The following WDHD1 variants were observed in gnomAD, a reference collection of about 807,000 sequenced individuals.
WDHD1 encodes WD repeat and HMG-box DNA binding protein 1, also known as WD repeat and HMG-box DNA-binding protein 1.
In WDHD1, 111 loss-of-function variants were observed where a neutral mutation model predicts 135.4. The ratio of observed to expected loss-of-function variants is 0.82; its 90% CI spans 0.70 to 0.96. The LOEUF (loss-of-function observed/expected upper bound fraction) is 0.96, where lower values mean the gene tolerates loss of function less well. Among genes scored for constraint, WDHD1 ranks in the 40% least tolerant of loss-of-function variants. WDHD1 has a pLI of 0.00. For missense variants in WDHD1, 1,351 were observed against 1,336.3 expected (o/e 1.01, Z -0.17); for synonymous variants, 434 against 439.0 (o/e 0.99, Z 0.14).
intron 16 of WDHD1, among the ~76,000 whole-genome samples, chr14:54,974,499 T>G (rs8021996): frequency 6.6e-6 from 1 of 150,700 alleles, no homozygotes; most frequent in East Asian, 1.9e-4. Context: ...TTTTGTTTTT[T>G]TTTTTTTTGT....
chr14:54,947,080 C>A (rs1377850164), intron 24 of WDHD1, among the ~76,000 whole-genome samples: 1 of 152,114 alleles, frequency 6.6e-6, no homozygotes, highest in Non-Finnish European at 1.5e-5. Flanking sequence ...TGGCTCACAC[C>A]TGTAATCCCT....
At chr14:54,971,014 T>C (rs891726097) in intron 16 of WDHD1, among the ~76,000 whole-genome samples, 3 of 152,124 alleles carry the variant, frequency 2.0e-5, no homozygotes, top group Admixed American at 6.5e-5. Context: ...CAATAAATGG[T>C]GCTGAGATAA....
At chr14:55,006,928 G>A (rs911193519) in intron 7 of WDHD1, among the ~76,000 whole-genome samples, 1 of 151,916 alleles carries the variant, frequency 6.6e-6, no homozygotes, top group Non-Finnish European at 1.5e-5. Context: ...TAAAACAAAG[G>A]TTAAAAATAA....
intron 18 of WDHD1, 110 bp downstream of exon 18, chr14:54,966,365 C>A: frequency 5.7e-6 from 7 of 1,226,914 alleles, no homozygotes; most frequent in South Asian, 1.9e-5. Flanking sequence ...CAAAAAAAAA[C>A]TTAAGAATCT....
intron 7 of WDHD1, among the ~76,000 whole-genome samples, chr14:55,004,063 T>C (rs2042023120): frequency 6.6e-6 from 1 of 152,160 alleles, no homozygotes; most frequent in Non-Finnish European, 1.5e-5. Context: ...TTTTATACAA[T>C]CTACTTTATT....
intron 19 of WDHD1, 22 bp downstream of exon 19, chr14:54,962,930 A>C: frequency 6.2e-7 from 1 of 1,613,100 alleles, no homozygotes; most frequent in Non-Finnish European, 8.5e-7. Context: ...AGGAAAATTC[A>C]AACAACTAAA....
intron 3 of WDHD1, among the ~76,000 whole-genome samples, 163 bp downstream of exon 3, chr14:55,013,321 CA>C (rs927809520): frequency 1.1e-4 from 16 of 140,136 alleles, no homozygotes; most frequent in South Asian, 2.3e-4. Flanking sequence ...CACCCCATCT[CA>C]AAAAAAAATG....
At chr14:54,987,030 T>C in intron 14 of WDHD1, 116 bp downstream of exon 14, 1 of 1,215,688 alleles carries the variant, frequency 8.2e-7, no homozygotes, top group Non-Finnish European at 1.2e-6. Context: ...CATTTAAAGA[T>C]TACACGGATT....
chr14:54,998,541 A>G (rs2041924660), intron 10 of WDHD1, among the ~76,000 whole-genome samples: 1 of 152,082 alleles, frequency 6.6e-6, no homozygotes, highest in Admixed American at 6.5e-5. Context: ...CCACAGCCCC[A>G]ATTTACTTCT....
At chr14:54,994,918 T>A (rs927200251) in intron 11 of WDHD1, among the ~76,000 whole-genome samples, 3 of 151,964 alleles carry the variant, frequency 2.0e-5, no homozygotes, top group African/African-American at 7.2e-5. Flanking sequence ...TTTCATTCTC[T>A]ATGTTAGTAA....
chr14:54,957,495 G>A, intron 22 of WDHD1, 97 bp downstream of exon 22: 1 of 1,121,624 alleles, frequency 8.9e-7, no homozygotes, highest in Non-Finnish European at 1.3e-6. Context: ...AGTCTTTCAT[G>A]CCTCCAAGTC....
chr14:55,010,587 T>A, intron 3 of WDHD1, 127 bp from the exon 4 acceptor site: 1 of 814,478 alleles, frequency 1.2e-6, no homozygotes, highest in Non-Finnish European at 1.7e-6. Flanking sequence ...AGAGAAAAAT[T>A]ATCACTAAAT....
At chr14:54,973,192 C>T (rs952458436) in intron 16 of WDHD1, among the ~76,000 whole-genome samples, 6 of 152,124 alleles carry the variant, frequency 3.9e-5, no homozygotes, top group Admixed American at 1.3e-4. Flanking sequence ...TGAATGCTTA[C>T]TAATAATCAT....
At position 54,955,646 on chromosome 14, in the gene WDHD1, T is replaced by C; in HGVS notation, c.2965A>G (p.Thr989Ala). The C allele has an allele frequency of 6.3e-7, 1 of 1,589,690 alleles. No individual in the cohort carries two copies. Among genetic ancestry groups the C allele is most frequent in the Non-Finnish European group, 8.5e-7 (1 of 1,170,942 alleles). Residue 989 changes from threonine to alanine, a missense_variant, in exon 24 of 26, where the codon ACT (threonine) becomes GCT (alanine). Thr to Ala is a moderately conservative substitution (Grantham distance 58). Around this residue, in one of 2 missense-constraint regions of WDHD1, gnomAD observed 1,330 missense variants for 1,296.1 expected, o/e 1.03. Transcript: ENST00000360586. ...FQKRNSQTNK[T>A]EEVKEENLKN... Reference sequence around the variant, plus strand: ...AGATTTTCTTCTTTCACTTCCTCAGTTTTATTAGTTTGAGAATTTCTTTTC... The same window carrying C: ...AGATTTTCTTCTTTCACTTCCTCAGCTTTATTAGTTTGAGAATTTCTTTTC...
At chr14:55,025,793 G>C (rs2042427003) in intron 2 of WDHD1, among the ~76,000 whole-genome samples, 1 of 152,164 alleles carries the variant, frequency 6.6e-6, no homozygotes. Context: ...AGCATACCAT[G>C]ATCCCTGGCC....
chr14:54,947,834 C>A (rs983454154), intron 24 of WDHD1, among the ~76,000 whole-genome samples: 4 of 151,864 alleles, frequency 2.6e-5, no homozygotes, highest in Non-Finnish European at 5.9e-5. Flanking sequence ...TCAAGTGATC[C>A]GCCCACCTCA....
Position 55,000,904 on chromosome 14 carries a change from G to T in WDHD1, c.782C>A (p.Thr261Asn). ...ATCATACCTTTCCATGCAGTCTTTG[G>T]TTTCCACATTCCAAACTATGATTAG... is the stretch of plus-strand genomic sequence containing the variant. ...NGLIIVWNVE[T>N]KDCMERVKHE... The change falls in exon 9 of 26, where the codon ACC (threonine) becomes AAC (asparagine). Residue 261 changes from threonine to asparagine, a missense_variant. Around this residue, in one of 2 missense-constraint regions of WDHD1, gnomAD observed 1,330 missense variants for 1,296.1 expected, o/e 1.03. Transcript: ENST00000360586. 6.3e-7 allele frequency: 1 copy of T among 1,581,542 alleles called. No individual in the cohort carries two copies. Among genetic ancestry groups the T allele is most frequent in the Non-Finnish European group, 8.6e-7 (1 of 1,165,706 alleles).
chr14:54,995,642 G>C lies in WDHD1; in HGVS notation c.1114C>G (p.Gln372Glu). 3 of 1,612,304 alleles carry C rather than the reference G, an allele frequency of 1.9e-6. No individual in the cohort carries two copies. Among genetic ancestry groups the C allele is most frequent in the Non-Finnish European group, 2.5e-6 (3 of 1,179,246 alleles). Residue 372 changes from glutamine to glutamate, a missense_variant, in exon 11 of 26, where the codon CAG becomes GAG. Gln to Glu is a conservative substitution (Grantham distance 29, BLOSUM62 2). This residue lies in a region of WDHD1 where 1,330 missense variants were observed against 1,296.1 expected (regional missense o/e 1.03). Transcript: ENST00000360586. ...DLMMASGRPR[Q>E]RSHILEDDEN... ...TCATCTTCTAGGATGTGACTTCGCT[G>C]TCTAGGACGACCTGAAGCCATCATG... is the stretch of plus-strand genomic sequence containing the variant.
chr14:54,951,985 T>C (rs367965489), intron 24 of WDHD1, among the ~76,000 whole-genome samples: 4 of 152,166 alleles, frequency 2.6e-5, no homozygotes, highest in Non-Finnish European at 5.9e-5. Context: ...ATTGATGGGA[T>C]GTATCTCAAA....
Sources: allele counts gnomAD v4.1 joint callset (sites outside exome capture counted in the v4.1 genomes callset), GRCh38; gene constraint gnomAD v4.1.1; regional missense constraint gnomAD v4.1.1; transcripts MANE v1.5; gene names NCBI Gene and HGNC (gene_info 2026-07-23, HGNC 2026-07-21).